Variants in CDC42BPA observed in about 807,000 individuals in gnomAD.
CDC42BPA encodes CDC42 binding protein kinase alpha.
A neutral mutation model predicts 223.5 loss-of-function variants in CDC42BPA; 80 were observed. The observed-to-expected ratio is 0.36, with a 90% CI of 0.30 to 0.43. CDC42BPA has a LOEUF of 0.43. Among genes scored for constraint, CDC42BPA ranks in the 20% least tolerant of loss-of-function variants. CDC42BPA has a pLI of 1.00. For missense variants in CDC42BPA, 1,743 were observed against 2,099.9 expected, an observed-to-expected ratio of 0.83 and a Z score of 3.32; for synonymous variants, 694 against 718.6, an observed-to-expected ratio of 0.97 and a Z score of 0.55.
At chr1:227,037,318 G>T (rs1266071848) in intron 24 of CDC42BPA, among the ~76,000 whole-genome samples, 2 of 152,158 alleles carry the variant, frequency 1.3e-5, no homozygotes, top group African/African-American at 4.8e-5. Flanking sequence ...CTATGTAAGA[G>T]ACTCATGTAC....
At chr1:227,062,791 A>C (rs1316942396) in intron 21 of CDC42BPA, among the ~76,000 whole-genome samples, 2 of 151,768 alleles carry the variant, frequency 1.3e-5, no homozygotes, top group Non-Finnish European at 2.9e-5. Flanking sequence ...TATGCCCAGT[A>C]TATTACCACC....
intron 2 of CDC42BPA, among the ~76,000 whole-genome samples, chr1:227,218,682 T>C (rs1247293544): frequency 6.6e-6 from 1 of 152,226 alleles, no homozygotes; most frequent in Admixed American, 6.5e-5. Flanking sequence ...ATATAAGTAC[T>C]GAAGAGCTCT....
chr1:226,994,358 G>C lies in CDC42BPA; in HGVS notation c.5175C>G (p.Ser1725=), dbSNP rs1166683446. The C allele has an allele frequency of 6.3e-7, 1 of 1,592,896 alleles. No individual in the cohort carries two copies. Among genetic ancestry groups the C allele is most frequent in the Admixed American group, 1.7e-5 (1 of 57,598 alleles). Residue 1725 remains serine (S), a synonymous_variant, in exon 37 of 37, where the codon TCC becomes TCG. Transcript: ENST00000366766. The surrounding 1 kb of genome is among the most constrained non-coding windows in gnomAD (Gnocchi z 4.0). ...CTGGGCTTGGGGGGCTGCTTAGGTT[G>C]GAACTGTTGGAAGCTGTGGAATGCC... ...SPRHSTASNS[S]NLSSPPSPAS...
At position 227,174,962 on chromosome 1, in the gene CDC42BPA, T is replaced by C. The variant is rs1393550335; in HGVS notation, c.600-14326A>G. Among the ~76,000 whole-genome samples the C allele has an allele frequency of 7.9e-5, 12 of 152,282 alleles. No individual in the cohort carries two copies. The East Asian group carries it at 2.3e-3, about 29-fold the overall frequency. On this transcript the variant is annotated intron_variant, in intron 5 of 36. Coordinates refer to ENST00000366766, the MANE Select transcript of CDC42BPA (RefSeq NM_001394014.1). ...TCGACTTCTGTTCATTATTTCTCCT[T>C]GGTTTGGGGTCTTCATTTTAAAATA...
At chr1:227,163,072 G>A (rs74406956) in intron 5 of CDC42BPA, among the ~76,000 whole-genome samples, 15,466 of 104,304 alleles carry the variant, frequency 0.15, 969 homozygotes, top group Middle Eastern at 0.25. Flanking sequence ...AAACATAAAT[G>A]TGTGTATGTT....
intron 12 of CDC42BPA, among the ~76,000 whole-genome samples, chr1:227,113,520 C>A (rs1270942513): frequency 6.6e-6 from 1 of 152,022 alleles, no homozygotes; most frequent in East Asian, 1.9e-4. Context: ...GAACAAAGCA[C>A]CACAATCAAA....
intron 12 of CDC42BPA, 39 bp downstream of exon 12, chr1:227,119,765 A>C (rs1483878031): frequency 7.4e-7 from 1 of 1,359,004 alleles, no homozygotes; most frequent in African/African-American, 1.5e-5. Context: ...AAGATTCAAA[A>C]TAGAGAAAAA....
intron 5 of CDC42BPA, among the ~76,000 whole-genome samples, chr1:227,177,629 G>C (rs7523176): frequency 0.68 from 103,543 of 151,990 alleles, 35,505 homozygotes; most frequent in South Asian, 0.73. Flanking sequence ...GTGGGGTGGA[G>C]GGCAGGGGAG....
intron 10 of CDC42BPA, among the ~76,000 whole-genome samples, chr1:227,133,075 G>A (rs1369031467): frequency 3.7e-5 from 5 of 134,266 alleles, no homozygotes; most frequent in African/African-American, 1.1e-4. Context: ...CGCCCCGTCC[G>A]GGAGGGAGGT....
intron 14 of CDC42BPA, among the ~76,000 whole-genome samples, chr1:227,102,393 C>A (rs1685198076): frequency 6.6e-6 from 1 of 152,128 alleles, no homozygotes; most frequent in Admixed American, 6.6e-5. Context: ...TGAGAAGAAC[C>A]AGAGCAAGGC....
At position 227,115,870 on chromosome 1, in the gene CDC42BPA, A is replaced by G. The variant is rs545009640; in HGVS notation, c.1648-2957T>C. 5.1e-5 allele frequency among the ~76,000 whole-genome samples: 7 copies of G among 138,356 alleles called. No individual in the cohort carries two copies. In the East Asian group the frequency reaches 8.6e-4, roughly 17 times the overall value. 90.8% of individuals were successfully genotyped at this position (138,356 alleles called of 152,430 possible). ...ATCTGAATATCAAAAAAAAGAAAAG[A>G]GGAAAAAAAAAAACACGTCAATCTC... On this transcript the variant is annotated intron_variant, in intron 12 of 36. Transcript: ENST00000366766.
chr1:227,092,909 A>C (rs1683339541), intron 15 of CDC42BPA, among the ~76,000 whole-genome samples: 1 of 152,180 alleles, frequency 6.6e-6, no homozygotes, highest in African/African-American at 2.4e-5. Flanking sequence ...TAAATACTCC[A>C]GTGTGTATCT....
intron 35 of CDC42BPA, chr1:227,004,759 T>C: frequency 1.7e-6 from 1 of 585,258 alleles, no homozygotes. Context: ...CAATTTGTAA[T>C]CATATTTGTC....
At chr1:227,108,296 T>C (rs897497473) in intron 14 of CDC42BPA, among the ~76,000 whole-genome samples, 1 of 152,206 alleles carries the variant, frequency 6.6e-6, no homozygotes, top group Admixed American at 6.5e-5. Flanking sequence ...TTCTGGTGTA[T>C]TGTATTTTCA....
chr1:227,000,110 TAATAATAATAATAATAATAATAATAAG>T (rs1662495097), intron 35 of CDC42BPA, among the ~76,000 whole-genome samples: 1 of 116,656 alleles, frequency 8.6e-6, no homozygotes, highest in Non-Finnish European at 2.0e-5. Flanking sequence ...ATAATAATAA[TAATAATAATAATAATAATAATAATAAG>T]CTCTCCTGAT....
At chr1:227,090,787 G>A (rs1558475638) in intron 16 of CDC42BPA, among the ~76,000 whole-genome samples, 1 of 152,122 alleles carries the variant, frequency 6.6e-6, no homozygotes, top group Non-Finnish European at 1.5e-5. Flanking sequence ...CTCCAGCCTG[G>A]GCGACAGAGC....
chr1:227,269,285 C>T (rs1470469804), intron 1 of CDC42BPA, among the ~76,000 whole-genome samples: 2 of 152,162 alleles, frequency 1.3e-5, no homozygotes, highest in Non-Finnish European at 2.9e-5. Flanking sequence ...GAAATGGGCT[C>T]AGATATAGGT....
intron 12 of CDC42BPA, among the ~76,000 whole-genome samples, chr1:227,118,037 G>C (rs1016951205): frequency 2.6e-5 from 4 of 152,142 alleles, no homozygotes; most frequent in Admixed American, 2.6e-4. Flanking sequence ...TTACTAATTA[G>C]AGAAATGCAA....
rs200922598 is a variant in CDC42BPA, at chr1:227,062,830, T to TAA, written c.2904+6945_2904+6946dup. On this transcript the variant is annotated intron_variant, in intron 21 of 36. Transcript: ENST00000366766. The stretch of plus-strand genomic sequence containing the variant: ...GTAAAAAGTGCTAAAATGTTTAACA[T>TAA]AAAAAAAAAAAAAACTTTTTTGGCT... 7.7e-3 allele frequency among the ~76,000 whole-genome samples: 1,072 copies of TAA among 138,594 alleles called. 10 individuals carry two copies. Among genetic ancestry groups the TAA allele is most frequent in the African/African-American group, 0.018 (685 of 37,876 alleles). The allele number at this position is 138,594 out of a possible 152,430, so 90.9% of individuals were successfully genotyped here.
Sources: allele counts gnomAD v4.1 joint callset (sites outside exome capture counted in the v4.1 genomes callset), GRCh38; gene constraint gnomAD v4.1.1; non-coding constraint Gnocchi (gnomAD v3.1); transcripts MANE v1.5; gene names NCBI Gene and HGNC (gene_info 2026-07-23, HGNC 2026-07-21).